The following WFDC1 variants were observed in gnomAD, a reference collection of about 807,000 sequenced individuals.
WFDC1 encodes WAP four-disulfide core domain 1.
WFDC1 carries 39 observed loss-of-function variants against 32.9 expected under a neutral mutation model. The observed-to-expected ratio is 1.19, with a 90% CI of 0.92 to 1.55. The LOEUF (loss-of-function observed/expected upper bound fraction) is 1.55, where lower values mean the gene tolerates loss of function less well. Among genes scored for constraint, WFDC1 ranks in the 40% most tolerant of loss-of-function variants. The pLI is 0.00. For missense variants in WFDC1, 386 were observed against 309.5 expected (o/e 1.25, Z -1.85); for synonymous variants, 184 against 137.4 (o/e 1.34, Z -2.37).
intron 4 of WFDC1, among the ~76,000 whole-genome samples, chr16:84,323,207 A>G (rs1407039302): frequency 6.6e-6 from 1 of 152,232 alleles, no homozygotes; most frequent in African/African-American, 2.4e-5. Context: ...ATGGAGCGTT[A>G]GCACCTTGAC....
intron 1 of WFDC1, among the ~76,000 whole-genome samples, chr16:84,303,545 C>G (rs1167248843): frequency 2.0e-5 from 3 of 151,950 alleles, no homozygotes; most frequent in Admixed American, 1.3e-4. Context: ...AATTCTTCCT[C>G]CAAGATGTAA....
intron 4 of WFDC1, 71 bp from the exon 5 acceptor site, chr16:84,324,348 G>C (rs1908464074): frequency 7.2e-7 from 1 of 1,393,766 alleles, no homozygotes; most frequent in Admixed American, 1.7e-5. Context: ...TAATTCCTCA[G>C]TGTTATTATG....
chr16:84,299,628 C>A (rs1906815715), intron 1 of WFDC1, among the ~76,000 whole-genome samples: 2 of 152,222 alleles, frequency 1.3e-5, no homozygotes, highest in African/African-American at 4.8e-5. Flanking sequence ...GGGAGCCTCT[C>A]GACAAATCCA....
At chr16:84,297,876 G>T (rs910601439) in intron 1 of WFDC1, among the ~76,000 whole-genome samples, 1 of 152,118 alleles carries the variant, frequency 6.6e-6, no homozygotes, top group African/African-American at 2.4e-5. Flanking sequence ...GGGACTTACG[G>T]ATGATAGGAA....
chr16:84,299,875 G>T (rs529060466), intron 1 of WFDC1, among the ~76,000 whole-genome samples: 55 of 152,246 alleles, frequency 3.6e-4, no homozygotes, highest in Middle Eastern at 6.8e-3. Context: ...TCTTTCAAAT[G>T]CATCCTGCCA....
chr16:84,328,658 C>G lies in WFDC1; in HGVS notation c.*16-664C>G, dbSNP rs1908743566. The G allele has an allele frequency of 1.3e-5, 2 of 152,180 alleles. 1 individual carries two copies. The highest frequency in any genetic ancestry group is 4.1e-4 in the South Asian group (2 of 4,820). The allele number at this position is 152,180 out of a possible 1,614,324, so 9.4% of individuals were successfully genotyped here. ...GAGGATGGCAGTTTGGAAGTTGAGG[C>G]TTTTGGGTGGGCGCAGCAGCTCCCG... On this transcript the variant is annotated intron_variant, in intron 6 of 6. Transcript: ENST00000219454.
At chr16:84,313,449 G>A (rs185910427) in intron 2 of WFDC1, among the ~76,000 whole-genome samples, 1 of 152,350 alleles carries the variant, frequency 6.6e-6, no homozygotes, top group East Asian at 1.9e-4. Context: ...ATGCCTCCAG[G>A]GAGCCACAGT....
In WFDC1 at chr16:84,295,007, G is replaced by A; in HGVS notation, c.36G>A (p.Arg12=). The A allele has an allele frequency of 6.2e-7, 1 of 1,614,162 alleles. No homozygotes were observed. The highest frequency in any genetic ancestry group is 8.5e-7 in the Non-Finnish European group (1 of 1,179,994). ...PLTGVGPGSC[R]RQIIRALCLL... ...CCGGCGTGGGGCCGGGCAGCTGCAG[G>A]AGGCAGATCATCCGGGCTCTGTGCC... The change falls in exon 1 of 7, where the codon AGG becomes AGA. Residue 12 remains arginine (R), a synonymous_variant. Coordinates refer to ENST00000219454, the MANE Select transcript of WFDC1 (RefSeq NM_021197.4).
chr16:84,307,408 G>A (rs183746273), intron 1 of WFDC1, among the ~76,000 whole-genome samples: 1,845 of 152,240 alleles, frequency 0.012, 26 homozygotes, highest in Non-Finnish European at 0.018. Context: ...TATCACTCAC[G>A]ACCATCTGTT....
At chr16:84,301,785 G>C (rs1906951190) in intron 1 of WFDC1, among the ~76,000 whole-genome samples, 1 of 152,272 alleles carries the variant, frequency 6.6e-6, no homozygotes, top group South Asian at 2.1e-4. Flanking sequence ...GACTTTTGAG[G>C]GGGACCTTAG....
chr16:84,296,089 C>A (rs1314112357), intron 1 of WFDC1, among the ~76,000 whole-genome samples: 1 of 152,102 alleles, frequency 6.6e-6, no homozygotes, highest in Non-Finnish European at 1.5e-5. Flanking sequence ...GTTCCTCCCA[C>A]CCCCCAGAGA....
intron 2 of WFDC1, among the ~76,000 whole-genome samples, chr16:84,314,681 C>G (rs930496781): frequency 1.3e-5 from 2 of 152,224 alleles, no homozygotes; most frequent in Non-Finnish European, 2.9e-5. Flanking sequence ...TGCCTCTGGG[C>G]AGGAACTGGC....
chr16:84,296,500 T>G (rs559023803), intron 1 of WFDC1, among the ~76,000 whole-genome samples: 7 of 152,212 alleles, frequency 4.6e-5, no homozygotes, highest in African/African-American at 1.4e-4. Context: ...GACCTGTGGC[T>G]TTAAAGGATA....
intron 1 of WFDC1, among the ~76,000 whole-genome samples, chr16:84,299,822 G>C (rs993140613): frequency 6.6e-6 from 1 of 152,230 alleles, no homozygotes; most frequent in Non-Finnish European, 1.5e-5. Flanking sequence ...CTGCTGAGGG[G>C]GGCTGGGAGG....
chr16:84,317,265 C>T (rs1908008162), intron 2 of WFDC1: 1 of 151,192 alleles, frequency 6.6e-6, no homozygotes, highest in South Asian at 2.1e-4. Flanking sequence ...TACCCTTCAG[C>T]CTGGGTGACA....
chr16:84,297,386 G>A (rs994355714), intron 1 of WFDC1, among the ~76,000 whole-genome samples: 2 of 152,152 alleles, frequency 1.3e-5, no homozygotes, highest in African/African-American at 4.8e-5. Context: ...GGGAGGCCGA[G>A]GCGGGTGGAT....
At chr16:84,320,335 A>G (rs1418322063) in intron 4 of WFDC1, among the ~76,000 whole-genome samples, 2 of 152,222 alleles carry the variant, frequency 1.3e-5, no homozygotes, top group Non-Finnish European at 2.9e-5. Context: ...ATATCAGTAC[A>G]TAACTCCATT....
intron 5 of WFDC1, 106 bp downstream of exon 5, chr16:84,324,566 C>A (rs529823690): frequency 1.6e-6 from 2 of 1,271,586 alleles, no homozygotes; most frequent in South Asian, 2.6e-5. Flanking sequence ...ATATAGGGAA[C>A]AAAATGGGAC....
chr16:84,321,617 A>G (rs1284965540), intron 4 of WFDC1, among the ~76,000 whole-genome samples: 3 of 152,206 alleles, frequency 2.0e-5, no homozygotes, highest in Non-Finnish European at 2.9e-5. Context: ...TAAGGGTTCA[A>G]ACCAGTTAAA....
Sources: allele counts gnomAD v4.1 joint callset (sites outside exome capture counted in the v4.1 genomes callset), GRCh38; gene constraint gnomAD v4.1.1; transcripts MANE v1.5; gene names NCBI Gene and HGNC (gene_info 2026-07-23, HGNC 2026-07-21).